Variants in SUPV3L1 observed in about 807,000 individuals in gnomAD.
The protein encoded by SUPV3L1 is Suv3 like RNA helicase.
Under a neutral mutation model 70.0 loss-of-function variants are expected in SUPV3L1, and 35 were observed. That is an observed-to-expected ratio of 0.50 (90% CI 0.38 to 0.66). The LOEUF is 0.66. SUPV3L1 is among the 30% of genes least tolerant of loss of function. The pLI, the probability that SUPV3L1 is intolerant of heterozygous loss-of-function variation, is 0.00. For missense variants in SUPV3L1, 777 were observed against 961.5 expected (o/e 0.81, Z 2.54); for synonymous variants, 364 against 341.9 (o/e 1.06, Z -0.71).
At chr10:69,201,090 A>G (rs1345382259) in intron 11 of SUPV3L1, among the ~76,000 whole-genome samples, 2 of 152,154 alleles carry the variant, frequency 1.3e-5, no homozygotes, top group East Asian at 3.8e-4. Flanking sequence ...GAGATCATAC[A>G]GGGAGAAGCA....
chr10:69,189,215 A>G, intron 4 of SUPV3L1, 52 bp from the exon 5 acceptor site: 3 of 1,541,910 alleles, frequency 1.9e-6, no homozygotes, highest in Non-Finnish European at 2.6e-6. Context: ...TGTCTTTGCC[A>G]GGATGGATTT....
At chr10:69,201,899 G>A (rs1842692170) in intron 11 of SUPV3L1, among the ~76,000 whole-genome samples, 1 of 148,614 alleles carries the variant, frequency 6.7e-6, no homozygotes, top group East Asian at 2.0e-4. Flanking sequence ...GGAGTGCAGT[G>A]GCGCGATCTC....
intron 11 of SUPV3L1, among the ~76,000 whole-genome samples, chr10:69,201,386 A>T (rs914556911): frequency 5.9e-5 from 9 of 152,162 alleles, no homozygotes; most frequent in Non-Finnish European, 1.2e-4. Context: ...CTTCCAGTTT[A>T]AAAATGTTCT....
intron 4 of SUPV3L1, among the ~76,000 whole-genome samples, chr10:69,188,016 A>G (rs1842280655): frequency 6.6e-6 from 1 of 152,144 alleles, no homozygotes; most frequent in Admixed American, 6.5e-5. Flanking sequence ...CTTAAGTGTA[A>G]GCTATGGCCT....
chr10:69,208,004 A>C, intron 14 of SUPV3L1, 63 bp downstream of exon 14: 1 of 1,570,102 alleles, frequency 6.4e-7, no homozygotes, highest in Non-Finnish European at 8.6e-7. Flanking sequence ...AGGTTTTATG[A>C]ATTTGTTTTT....
In SUPV3L1 at chr10:69,187,748, A is replaced by G. The variant is rs1057515216; in HGVS notation, c.564A>G (p.Pro188=). ...GTAAAATCAGTGACTTAAGAATACCACCTAACTGGTTAGTTTCTCCATTTG... is the reference window on the plus strand; with the variant it reads ...GTAAAATCAGTGACTTAAGAATACCGCCTAACTGGTTAGTTTCTCCATTTG... ...DLRKISDLRI[P]PNWYPDARAM... The change falls in exon 4 of 15, where the codon CCA becomes CCG. Residue 188 remains proline, a synonymous_variant. Coordinates refer to ENST00000359655, the MANE Select transcript of SUPV3L1 (RefSeq NM_003171.5). 3.1e-6 allele frequency: 5 copies of G among 1,593,452 alleles called. No individual in the cohort carries two copies. Among genetic ancestry groups the G allele is most frequent in the Non-Finnish European group, 4.3e-6 (5 of 1,168,504 alleles).
Position 69,187,658 on chromosome 10 carries a change from A to G in SUPV3L1, c.474A>G (p.Leu158=), listed in dbSNP as rs1842269043. 5.0e-6 allele frequency: 8 copies of G among 1,610,174 alleles called. No homozygotes were observed. The East Asian group carries it at 1.6e-4, about 31-fold the overall frequency. ...ICFGAAHADD[L]FPFFLRHAKQ... is the part of the protein sequence containing the mutation. ...ATTTTCCAGCTCATGCGGATGATTT[A>G]TTCCCATTTTTCTTGAGACATGCCA... The change falls in exon 4 of 15, where the codon TTA becomes TTG. Residue 158 remains leucine, a synonymous_variant. Coordinates refer to ENST00000359655, the MANE Select transcript of SUPV3L1 (RefSeq NM_003171.5).
chr10:69,188,517 G>GTTTT (rs1276685979), intron 4 of SUPV3L1, among the ~76,000 whole-genome samples: 2 of 69,138 alleles, frequency 2.9e-5, no homozygotes. Flanking sequence ...GTTTGTTTTT[G>GTTTT]AGAGAGAGTC....
chr10:69,207,612 G>T (rs1319409353), intron 13 of SUPV3L1, among the ~76,000 whole-genome samples, 181 bp from the exon 14 acceptor site: 1 of 152,056 alleles, frequency 6.6e-6, no homozygotes, highest in Admixed American at 6.5e-5. Context: ...CACTGTACCT[G>T]GCCTTATAAA....
intron 5 of SUPV3L1, among the ~76,000 whole-genome samples, chr10:69,190,578 T>G (rs575970615): frequency 5.4e-4 from 82 of 152,362 alleles, no homozygotes; most frequent in African/African-American, 1.8e-3. Context: ...TAGATTACTC[T>G]TACTTAATAC....
Position 69,187,697 on chromosome 10 carries a change from T to A in SUPV3L1, c.513T>A (p.Pro171=), listed in dbSNP as rs1842269971. The A allele has an allele frequency of 6.2e-7, 1 of 1,613,374 alleles. No individual in the cohort carries two copies. The highest frequency in any genetic ancestry group is 1.7e-5 in the Admixed American group (1 of 59,828). ...TGAGACATGCCAAACAAATATTTCC[T>A]GTGTTGGACTGTAAGGATGATCTAC... ...FFLRHAKQIF[P]VLDCKDDLRK... Residue 171 remains proline, a synonymous_variant, in exon 4 of 15, where the codon CCT becomes CCA. Transcript: ENST00000359655.
chr10:69,180,250 G>A lies in SUPV3L1; in HGVS notation c.-42G>A, dbSNP rs1842007230. The A allele has an allele frequency of 1.9e-6, 3 of 1,585,866 alleles. No homozygotes were observed. Among genetic ancestry groups the A allele is most frequent in the Non-Finnish European group, 2.6e-6 (3 of 1,164,268 alleles). ...GAGGTGCGCGTCACTGTCCGCCGCCGTGTCCGCGGCTGCGCCAGACAGTGT... is the reference window on the plus strand; with the variant it reads ...GAGGTGCGCGTCACTGTCCGCCGCCATGTCCGCGGCTGCGCCAGACAGTGT... On this transcript the variant is annotated 5_prime_UTR_variant, in exon 1 of 15. In the 5' UTR this introduces an upstream ATG that the reference lacks. Coordinates refer to ENST00000359655, the MANE Select transcript of SUPV3L1 (RefSeq NM_003171.5).
chr10:69,187,626 G>A lies in SUPV3L1; in HGVS notation c.458-16G>A, dbSNP rs377728354. 2 of 1,526,194 alleles carry A rather than the reference G, an allele frequency of 1.3e-6. No individual in the cohort carries two copies. The highest frequency in any genetic ancestry group is 2.8e-5 in the African/African-American group (2 of 72,404). The allele number at this position is 1,526,194 out of a possible 1,614,324, so 94.5% of individuals were successfully genotyped here. On this transcript the variant is annotated splice_polypyrimidine_tract_variant and intron_variant, in intron 3 of 14. Coordinates refer to ENST00000359655, the MANE Select transcript of SUPV3L1 (RefSeq NM_003171.5). ...TATGTAGATTGCACATGTTAATACA[G>A]TGTTTTATTTTCCAGCTCATGCGGA...
chr10:69,208,066 TC>T, intron 14 of SUPV3L1, 125 bp downstream of exon 14: 1 of 1,218,046 alleles, frequency 8.2e-7, no homozygotes, highest in Non-Finnish European at 1.1e-6. Context: ...ATGTCTATTG[TC>T]CATAAAGGCA....
Position 69,203,007 on chromosome 10 carries a change from C to A in SUPV3L1, c.1740C>A (p.Asn580Lys), listed in dbSNP as rs771095548. 40 of 1,613,656 alleles carry A rather than the reference C, an allele frequency of 2.5e-5. No homozygotes were observed. Among genetic ancestry groups the A allele is most frequent in the Non-Finnish European group, 1.3e-5 (15 of 1,179,862 alleles). The change falls in exon 13 of 15, where the codon AAC becomes AAA. Residue 580 changes from asparagine (N) to lysine (K), a missense_variant. Physicochemically the swap from Asn to Lys is moderately conservative, Grantham distance 94 (BLOSUM62 0). Coordinates refer to ENST00000359655, the MANE Select transcript of SUPV3L1 (RefSeq NM_003171.5). The stretch of plus-strand genomic sequence containing the variant: ...ATGTTTTCTGCACAGCTCCTATCAA[C>A]AAGAAGCAGCCTTTTGTGTGTTCTT... ...VRYVFCTAPINKKQPFVCSSL... is the reference protein window; with the variant it reads ...VRYVFCTAPIKKKQPFVCSSL...
chr10:69,206,396 G>C (rs750281486), intron 13 of SUPV3L1, among the ~76,000 whole-genome samples: 2 of 152,204 alleles, frequency 1.3e-5, no homozygotes, highest in Non-Finnish European at 2.9e-5. Flanking sequence ...TGAATCATTT[G>C]AAATCAGCTT....
chr10:69,201,869 T>G (rs957757448), intron 11 of SUPV3L1, among the ~76,000 whole-genome samples: 1 of 128,156 alleles, frequency 7.8e-6, no homozygotes, highest in African/African-American at 3.0e-5. Flanking sequence ...TTAGACGGAG[T>G]CTTGCTCTGT....
chr10:69,186,506 A>G lies in SUPV3L1; in HGVS notation c.413A>G (p.Asp138Gly), dbSNP rs1292637441. The change falls in exon 3 of 15, where the codon GAT becomes GGT. Residue 138 changes from aspartate (D) to glycine (G), a missense_variant. Physicochemically the swap from Asp to Gly is moderately conservative, Grantham distance 94. Coordinates refer to ENST00000359655, the MANE Select transcript of SUPV3L1 (RefSeq NM_003171.5). Reference sequence around the variant, plus strand: ...TATATTATGCAGTCTCATTCCCTGGATGTGGACATTCACATTGTTTTGAAT... The same window carrying G: ...TATATTATGCAGTCTCATTCCCTGGGTGTGGACATTCACATTGTTTTGAAT... ...RNYIMQSHSL[D>G]VDIHIVLNDI... 1.9e-6 allele frequency: 3 copies of G among 1,613,900 alleles called. No individual in the cohort carries two copies. The Admixed American group carries it at 5.0e-5, about 27-fold the overall frequency.
At chr10:69,195,073 A>G (rs937073605) in intron 6 of SUPV3L1, 115 bp from the exon 7 acceptor site, 6 of 697,494 alleles carry the variant, frequency 8.6e-6, no homozygotes, top group Admixed American at 3.2e-5. Context: ...GAAAAGAGGA[A>G]CCCAGTAAGT....
Sources: allele counts gnomAD v4.1 joint callset (sites outside exome capture counted in the v4.1 genomes callset), GRCh38; gene constraint gnomAD v4.1.1; transcripts MANE v1.5; gene names NCBI Gene and HGNC (gene_info 2026-07-23, HGNC 2026-07-21).